Variants in CUL3 observed in about 807,000 individuals in gnomAD.
CUL3 encodes the protein cullin 3, also known as cullin-3.
Under a neutral mutation model 89.1 loss-of-function variants are expected in CUL3, and 19 were observed. That is an observed-to-expected ratio of 0.21 (90% CI 0.15 to 0.31). The LOEUF is 0.31. CUL3 is among the 10% of genes least tolerant of loss of function. The pLI, the probability that CUL3 is intolerant of heterozygous loss-of-function variation, is 1.00. For missense variants in CUL3, 469 were observed against 942.3 expected (o/e 0.50, Z 6.58); for synonymous variants, 351 against 308.4 (o/e 1.14, Z -1.45).
intron 13 of CUL3, among the ~76,000 whole-genome samples, chr2:224,493,354 A>C (rs111330607): frequency 0.018 from 2,677 of 152,308 alleles, 81 homozygotes; most frequent in African/African-American, 0.061. Flanking sequence ...CTAGCTAATA[A>C]AACATTAGCA....
intron 1 of CUL3, among the ~76,000 whole-genome samples, chr2:224,578,035 T>C (rs1248677396): frequency 6.6e-6 from 1 of 152,176 alleles, no homozygotes; most frequent in Non-Finnish European, 1.5e-5. Flanking sequence ...GCTCAAATGA[T>C]TAAGTTTAGA....
intron 3 of CUL3, among the ~76,000 whole-genome samples, chr2:224,519,999 T>C (rs1693204411): frequency 6.6e-6 from 1 of 151,740 alleles, no homozygotes; most frequent in African/African-American, 2.4e-5. Flanking sequence ...CAAAATGTAG[T>C]GACCAAAATG....
chr2:224,514,430 A>G (rs1341926713), intron 4 of CUL3, among the ~76,000 whole-genome samples, 182 bp downstream of exon 4: 2 of 152,194 alleles, frequency 1.3e-5, no homozygotes, highest in African/African-American at 4.8e-5. Flanking sequence ...AAAAATATAA[A>G]AGATGTGTGC....
At chr2:224,504,258 T>C (rs1692503995) in intron 8 of CUL3, 1 of 153,574 alleles carries the variant, frequency 6.5e-6, no homozygotes, top group African/African-American at 2.4e-5. Context: ...AAGGCAATAA[T>C]TTGTTATAAT....
At chr2:224,492,556 A>G (rs566043682) in intron 13 of CUL3, among the ~76,000 whole-genome samples, 44 of 152,300 alleles carry the variant, frequency 2.9e-4, no homozygotes, top group Middle Eastern at 3.4e-3. Flanking sequence ...GCTAATTACT[A>G]AAGTCCAAGG....
At chr2:224,488,228 G>C (rs1691815479) in intron 13 of CUL3, among the ~76,000 whole-genome samples, 1 of 150,694 alleles carries the variant, frequency 6.6e-6, no homozygotes, top group Non-Finnish European at 1.5e-5. Flanking sequence ...GCTAGCAGAA[G>C]ACAAATAACT....
intron 5 of CUL3, among the ~76,000 whole-genome samples, chr2:224,512,972 C>T (rs775968915): frequency 6.6e-6 from 1 of 152,170 alleles, no homozygotes; most frequent in Non-Finnish European, 1.5e-5. Flanking sequence ...CTTCTTCTTA[C>T]TCCTCCTCAG....
At chr2:224,500,152 T>A in intron 11 of CUL3, 2 of 459,402 alleles carry the variant, frequency 4.4e-6, no homozygotes, top group South Asian at 3.2e-5. Context: ...ATATAAACAA[T>A]CTTTCTAGAG....
intron 11 of CUL3, chr2:224,499,411 C>T (rs1000122014): frequency 1.2e-5 from 3 of 240,318 alleles, no homozygotes; most frequent in African/African-American, 6.9e-5. Context: ...ACAGTGCCTT[C>T]CACAATTTCA....
intron 10 of CUL3, 129 bp from the exon 11 acceptor site, chr2:224,500,616 G>GT: frequency 1.6e-6 from 1 of 641,740 alleles, no homozygotes; most frequent in South Asian, 3.8e-5. Flanking sequence ...AAAAAAAGCA[G>GT]ATTTTCTTTT....
intron 3 of CUL3, among the ~76,000 whole-genome samples, chr2:224,534,714 G>A (rs1229449083): frequency 1.3e-5 from 2 of 152,130 alleles, no homozygotes; most frequent in African/African-American, 4.8e-5. Flanking sequence ...CGGGCACAGT[G>A]GCTCACGCCT....
At position 224,514,672 on chromosome 2, in the gene CUL3, T is replaced by C; in HGVS notation, c.479A>G (p.His160Arg). 6.2e-7 allele frequency: 1 copy of C among 1,613,852 alleles called. No homozygotes were observed. The highest frequency in any genetic ancestry group is 8.5e-7 in the Non-Finnish European group (1 of 1,179,812). The change falls in exon 4 of 16, where the codon CAT becomes CGT. Residue 160 changes from histidine to arginine, a missense_variant. This residue lies in a region of CUL3 where 370 missense variants were observed against 733.2 expected (regional missense o/e 0.50). Coordinates refer to ENST00000264414, the MANE Select transcript of CUL3 (RefSeq NM_003590.5). ...CATATCCAATAGAGTTTGCCGTAGA[T>C]GATCCCTAATACACCCATAACGTAC... ...QVVRYGCIRDHLRQTLLDMIA... is the reference protein window; with the variant it reads ...QVVRYGCIRDRLRQTLLDMIA...
At chr2:224,548,806 T>C (rs1694399554) in intron 2 of CUL3, among the ~76,000 whole-genome samples, 1 of 151,084 alleles carries the variant, frequency 6.6e-6, no homozygotes, top group Non-Finnish European at 1.5e-5. Context: ...GAGACCAGCC[T>C]GGGCAACATG....
intron 2 of CUL3, among the ~76,000 whole-genome samples, chr2:224,554,163 A>T (rs923602100): frequency 5.9e-5 from 9 of 152,240 alleles, no homozygotes; most frequent in African/African-American, 9.6e-5. Flanking sequence ...CCCAAGGTTT[A>T]AAAAAACTGA....
At position 224,525,060 on chromosome 2, in the gene CUL3, A is replaced by G. The variant is rs368569094; in HGVS notation, c.379-10288T>C. On this transcript the variant is annotated intron_variant, in intron 3 of 15. Transcript: ENST00000264414. ...GAAAGTAATAAAGAACAGATGAGACAGAAAAAAAAAACAGGACAGTAAATT... is the reference window on the plus strand; with the variant it reads ...GAAAGTAATAAAGAACAGATGAGACGGAAAAAAAAAACAGGACAGTAAATT... Among the ~76,000 whole-genome samples the G allele has an allele frequency of 1.6e-3, 236 of 152,006 alleles. 1 individual carries two copies. The highest frequency in any genetic ancestry group is 0.01 in the Middle Eastern group (3 of 294).
chr2:224,527,860 A>G (rs1011835436), intron 3 of CUL3, among the ~76,000 whole-genome samples: 5 of 152,196 alleles, frequency 3.3e-5, no homozygotes, highest in African/African-American at 1.2e-4. Flanking sequence ...AAACGCTACT[A>G]TCTTAGAATT....
intron 2 of CUL3, among the ~76,000 whole-genome samples, chr2:224,554,720 A>G (rs896418399): frequency 6.6e-6 from 1 of 152,208 alleles, no homozygotes; most frequent in Non-Finnish European, 1.5e-5. Flanking sequence ...AATGCTAAAT[A>G]AAAGTTAATT....
chr2:224,561,252 G>C (rs1159769894), intron 1 of CUL3, among the ~76,000 whole-genome samples: 1 of 152,138 alleles, frequency 6.6e-6, no homozygotes, highest in African/African-American at 2.4e-5. Flanking sequence ...TTCGGTGACT[G>C]ATTTTCTGCT....
intron 13 of CUL3, among the ~76,000 whole-genome samples, chr2:224,489,867 A>G (rs1240988176): frequency 6.6e-6 from 1 of 152,224 alleles, no homozygotes; most frequent in African/African-American, 2.4e-5. Flanking sequence ...GATCTAATTA[A>G]ACTAACGAGC....
Sources: allele counts gnomAD v4.1 joint callset (sites outside exome capture counted in the v4.1 genomes callset), GRCh38; gene constraint gnomAD v4.1.1; regional missense constraint gnomAD v4.1.1; transcripts MANE v1.5; gene names NCBI Gene and HGNC (gene_info 2026-07-23, HGNC 2026-07-21).